EXOC6B: variants seen among roughly 807,000 people sequenced by gnomAD.
The protein encoded by EXOC6B is exocyst complex component 6B, also known as SEC15 homolog B.
EXOC6B carries 54 observed loss-of-function variants against 113.5 expected under a neutral mutation model. The ratio of observed to expected loss-of-function variants is 0.48; its 90% CI spans 0.38 to 0.60. The LOEUF is 0.60. EXOC6B is among the 20% of genes least tolerant of loss of function. The probability of loss-of-function intolerance (pLI) is 0.00; values close to 1 mark genes in which losing one functional copy is unlikely to be tolerated. For missense variants in EXOC6B, 797 were observed against 977.5 expected (o/e 0.82, Z 2.46); for synonymous variants, 357 against 339.0 (o/e 1.05, Z -0.58).
intron 6 of EXOC6B, among the ~76,000 whole-genome samples, chr2:72,579,934 A>G (rs1385671253): frequency 6.6e-6 from 1 of 152,042 alleles, no homozygotes; most frequent in Non-Finnish European, 1.5e-5. Context: ...CAACTTATTA[A>G]TTGGGCAGGT....
At chr2:72,321,731 T>C (rs190499923) in intron 20 of EXOC6B, among the ~76,000 whole-genome samples, 11 of 152,234 alleles carry the variant, frequency 7.2e-5, no homozygotes, top group Admixed American at 2.0e-4. Context: ...GGGAATACAG[T>C]AGAGGGCGAA....
chr2:72,658,286 TAAAAAAA>T (rs60572283), intron 6 of EXOC6B, among the ~76,000 whole-genome samples: 12 of 58,698 alleles, frequency 2.0e-4, no homozygotes, highest in African/African-American at 5.9e-4. Context: ...TAAAAACTAG[TAAAAAAA>T]AAAAAAAAAA....
intron 1 of EXOC6B, among the ~76,000 whole-genome samples, chr2:72,756,037 G>A (rs1319619918): frequency 6.6e-6 from 1 of 152,158 alleles, no homozygotes; most frequent in African/African-American, 2.4e-5. Flanking sequence ...ACTCTCAAAG[G>A]AGAGAAACAT....
chr2:72,707,704 A>C (rs1678981147), intron 6 of EXOC6B, among the ~76,000 whole-genome samples: 1 of 151,930 alleles, frequency 6.6e-6, no homozygotes, highest in Admixed American at 6.6e-5. Flanking sequence ...GAGCCACCGC[A>C]CCCAGCCTAT....
intron 18 of EXOC6B, among the ~76,000 whole-genome samples, chr2:72,382,393 G>A (rs1219397460): frequency 6.6e-6 from 1 of 152,148 alleles, no homozygotes; most frequent in East Asian, 1.9e-4. Flanking sequence ...TGGTCTATGT[G>A]TCTGTTTTTG....
chr2:72,329,277 C>T (rs918811525), intron 20 of EXOC6B, among the ~76,000 whole-genome samples: 2 of 152,008 alleles, frequency 1.3e-5, no homozygotes, highest in African/African-American at 4.8e-5. Flanking sequence ...GTATTAAGTA[C>T]ATGTGGGAAA....
At chr2:72,623,977 C>A (rs1671899332) in intron 6 of EXOC6B, among the ~76,000 whole-genome samples, 1 of 152,168 alleles carries the variant, frequency 6.6e-6, no homozygotes, top group Admixed American at 6.5e-5. Flanking sequence ...AATGAGTGAG[C>A]TACCTCTGGT....
chr2:72,559,547 A>C, intron 7 of EXOC6B, 26 bp from the exon 8 acceptor site: 1 of 1,590,490 alleles, frequency 6.3e-7, no homozygotes, highest in Non-Finnish European at 8.6e-7. Context: ...TATAACAAAA[A>C]AATTCAAACA....
At chr2:72,249,009 A>G (rs541227077) in intron 20 of EXOC6B, among the ~76,000 whole-genome samples, 1 of 152,334 alleles carries the variant, frequency 6.6e-6, no homozygotes, top group African/African-American at 2.4e-5. Context: ...CAAGTCTATA[A>G]TCTCAGGCTT....
chr2:72,614,872 T>A (rs1671291093), intron 6 of EXOC6B, among the ~76,000 whole-genome samples: 1 of 152,014 alleles, frequency 6.6e-6, no homozygotes, highest in Non-Finnish European at 1.5e-5. Context: ...CTTTGGAGCT[T>A]GAAAAGAGGA....
At chr2:72,474,775 C>A (rs146144924) in intron 17 of EXOC6B, among the ~76,000 whole-genome samples, 39 of 152,064 alleles carry the variant, frequency 2.6e-4, no homozygotes, top group African/African-American at 8.7e-4. Context: ...TCTTTGGGAC[C>A]TGTTGTTGGA....
chr2:72,755,381 T>A (rs975928314), intron 1 of EXOC6B, among the ~76,000 whole-genome samples: 4 of 152,132 alleles, frequency 2.6e-5, no homozygotes, highest in Admixed American at 1.3e-4. Context: ...TATTTACATG[T>A]CTATCTCCCC....
intron 6 of EXOC6B, among the ~76,000 whole-genome samples, chr2:72,716,385 C>T (rs899352148): frequency 7.9e-5 from 12 of 152,152 alleles, no homozygotes; most frequent in Admixed American, 2.6e-4. Context: ...ACACCTACTA[C>T]GTACAAAGTA....
At chr2:72,188,492 T>A (rs1396358540) in intron 20 of EXOC6B, among the ~76,000 whole-genome samples, 1 of 152,158 alleles carries the variant, frequency 6.6e-6, no homozygotes, top group African/African-American at 2.4e-5. Flanking sequence ...CTGAGACAGA[T>A]GGACAGAGAG....
At chr2:72,538,937 C>G (rs1322595077) in intron 8 of EXOC6B, among the ~76,000 whole-genome samples, 2 of 152,150 alleles carry the variant, frequency 1.3e-5, no homozygotes, top group Admixed American at 1.3e-4. Context: ...GCCGCTTGAG[C>G]TGGGAATAGG....
intron 20 of EXOC6B, among the ~76,000 whole-genome samples, chr2:72,244,187 A>G (rs1486481295): frequency 3.3e-5 from 5 of 152,198 alleles, no homozygotes; most frequent in African/African-American, 9.6e-5. Context: ...ACAAGTAGAA[A>G]TGATACAAAG....
At chr2:72,767,215 A>G (rs1161734827) in intron 1 of EXOC6B, among the ~76,000 whole-genome samples, 1 of 151,892 alleles carries the variant, frequency 6.6e-6, no homozygotes, top group Non-Finnish European at 1.5e-5. Flanking sequence ...GTATCACCTG[A>G]GGTTAGGAGT....
chr2:72,722,165 C>T (rs545363221), intron 5 of EXOC6B, among the ~76,000 whole-genome samples: 1 of 151,760 alleles, frequency 6.6e-6, no homozygotes, highest in Non-Finnish European at 1.5e-5. Flanking sequence ...AAAATAAATA[C>T]AAAAATGTTA....
At chr2:72,717,739 G>T (rs1679719403) in intron 6 of EXOC6B, among the ~76,000 whole-genome samples, 1 of 151,998 alleles carries the variant, frequency 6.6e-6, no homozygotes, top group African/African-American at 2.4e-5. Context: ...TAAATAATCA[G>T]CCAAAGACAC....
Sources: allele counts gnomAD v4.1 joint callset (sites outside exome capture counted in the v4.1 genomes callset), GRCh38; gene constraint gnomAD v4.1.1; transcripts MANE v1.5; gene names NCBI Gene and HGNC (gene_info 2026-07-23, HGNC 2026-07-21).